The following ST18 variants were observed in gnomAD, a reference collection of about 807,000 sequenced individuals.
ST18 encodes suppression of tumorigenicity 18 protein.
In ST18, 50 loss-of-function variants were observed where a neutral mutation model predicts 110.0. The ratio of observed to expected loss-of-function variants is 0.45; its 90% CI spans 0.36 to 0.58. ST18 has a LOEUF of 0.58. Ranked by LOEUF, ST18 falls within the 20% of genes least tolerant of loss-of-function variation. The pLI is 0.00. For missense variants in ST18, 1,306 were observed against 1,280.1 expected, an observed-to-expected ratio of 1.02 and a Z score of -0.31; for synonymous variants, 461 against 452.4, an observed-to-expected ratio of 1.02 and a Z score of -0.24.
At chr8:52,252,503 T>C (rs936592674) in intron 2 of ST18, among the ~76,000 whole-genome samples, 5 of 133,446 alleles carry the variant, frequency 3.7e-5, no homozygotes, top group African/African-American at 1.4e-4. Flanking sequence ...TAATGGCCAC[T>C]CTAAAAAAAA....
intron 2 of ST18, among the ~76,000 whole-genome samples, chr8:52,341,439 C>A (rs1223773401): frequency 1.3e-5 from 2 of 152,172 alleles, no homozygotes; most frequent in African/African-American, 4.8e-5. Context: ...AGAGTAACAG[C>A]TTCCTAAAGA....
intron 2 of ST18, among the ~76,000 whole-genome samples, chr8:52,246,344 A>T (rs1159358366): frequency 6.6e-6 from 1 of 152,120 alleles, no homozygotes; most frequent in Non-Finnish European, 1.5e-5. Flanking sequence ...AAAAATTTTT[A>T]AAAAACAGAA....
intron 2 of ST18, chr8:52,407,106 G>A (rs551615815): frequency 1.6e-4 from 24 of 152,272 alleles, no homozygotes; most frequent in Admixed American, 1.4e-3. Context: ...ATGCATAGAC[G>A]ATGAAACTAG....
At chr8:52,208,521 T>G (rs939566557) in intron 8 of ST18, among the ~76,000 whole-genome samples, 3 of 152,262 alleles carry the variant, frequency 2.0e-5, no homozygotes, top group African/African-American at 7.2e-5. Context: ...TAGGTCAGCT[T>G]AAACTACTTA....
chr8:52,300,475 ACT>A (rs1490100950), intron 2 of ST18, among the ~76,000 whole-genome samples: 1 of 152,144 alleles, frequency 6.6e-6, no homozygotes, highest in Non-Finnish European at 1.5e-5. Context: ...TAAGCGGTTC[ACT>A]CTGTGTTTTC....
intron 8 of ST18, among the ~76,000 whole-genome samples, chr8:52,192,148 G>A (rs777994125): frequency 3.3e-5 from 5 of 152,170 alleles, no homozygotes; most frequent in Non-Finnish European, 7.3e-5. Context: ...CACTAAGACT[G>A]ATGTAGCTAT....
intron 2 of ST18, among the ~76,000 whole-genome samples, chr8:52,288,407 A>G (rs540969306): frequency 3.0e-4 from 45 of 152,328 alleles, no homozygotes; most frequent in African/African-American, 1.1e-3. Flanking sequence ...TTGCCTATTA[A>G]GAGTATTAAT....
chr8:52,363,794 A>ATG (rs759057997), intron 2 of ST18, among the ~76,000 whole-genome samples: 6 of 151,830 alleles, frequency 4.0e-5, no homozygotes, highest in Non-Finnish European at 7.4e-5. Context: ...GGTGGATATT[A>ATG]TGTGTGTGTG....
intron 19 of ST18, among the ~76,000 whole-genome samples, chr8:52,134,878 CTT>C (rs1438989410): frequency 6.6e-6 from 1 of 152,104 alleles, no homozygotes; most frequent in Non-Finnish European, 1.5e-5. Flanking sequence ...TAAAATGTCT[CTT>C]TGATTTTTCT....
At position 52,409,470 on chromosome 8, in the gene ST18, T is replaced by C. The variant is rs1845659436; in HGVS notation, c.-589-18A>G. 1 of 152,100 alleles carries C rather than the reference T, an allele frequency of 6.6e-6. No individual in the cohort carries two copies. Among genetic ancestry groups the C allele is most frequent in the Non-Finnish European group, 1.5e-5 (1 of 68,014 alleles). 9.4% of individuals were successfully genotyped at this position (152,100 alleles called of 1,614,324 possible). A position where few individuals can be genotyped will look rare whatever the true frequency, so the allele number is the denominator to read the frequency against. ...ATTATTTTCTAAAGAAGAAAAAAAA[T>C]ATGATGTGAAAATTATCATAAGAAA... is the stretch of plus-strand genomic sequence containing the variant. On this transcript the variant is annotated intron_variant, in intron 1 of 25. Transcript: ENST00000689386.
At chr8:52,362,683 C>A (rs559695877) in intron 2 of ST18, among the ~76,000 whole-genome samples, 1 of 152,136 alleles carries the variant, frequency 6.6e-6, no homozygotes, top group South Asian at 2.1e-4. Flanking sequence ...TGATGCATTG[C>A]TGAGGACACA....
At chr8:52,197,910 C>CACACAA (rs981496521) in intron 8 of ST18, among the ~76,000 whole-genome samples, 2 of 151,624 alleles carry the variant, frequency 1.3e-5, no homozygotes, top group Admixed American at 1.3e-4. Context: ...CACACACACA[C>CACACAA]ACAAATACAG....
chr8:52,347,112 T>C (rs1395634538), intron 2 of ST18, among the ~76,000 whole-genome samples: 1 of 152,236 alleles, frequency 6.6e-6, no homozygotes, highest in Admixed American at 6.5e-5. Context: ...TATGTAGTCC[T>C]GGCACAATGC....
At position 52,364,459 on chromosome 8, in the gene ST18, C is replaced by T. The variant is rs538942535; in HGVS notation, c.-465+44869G>A. Among the ~76,000 whole-genome samples the T allele has an allele frequency of 4.3e-4, 66 of 152,170 alleles. 1 individual carries two copies. The South Asian group carries it at 0.012, about 28-fold the overall frequency. ...TTGTTTGCATTCAGATGGGTATACG[C>T]GGTCAGCACACTTGCAGGATAAAAA... On this transcript the variant is annotated intron_variant, in intron 2 of 25. Coordinates refer to ENST00000689386, the MANE Select transcript of ST18 (RefSeq NM_001352837.2).
chr8:52,142,677 T>C (rs1309799629), intron 17 of ST18, among the ~76,000 whole-genome samples: 1 of 152,194 alleles, frequency 6.6e-6, no homozygotes, highest in Non-Finnish European at 1.5e-5. Flanking sequence ...TGGAGGTAAA[T>C]GGTTATCAGT....
intron 2 of ST18, among the ~76,000 whole-genome samples, chr8:52,364,612 C>G (rs1564584849): frequency 6.6e-6 from 1 of 152,166 alleles, no homozygotes; most frequent in Non-Finnish European, 1.5e-5. Flanking sequence ...TCTACTGACA[C>G]CAACATGTAT....
At chr8:52,407,423 C>T (rs1844893689) in intron 2 of ST18, 1 of 151,226 alleles carries the variant, frequency 6.6e-6, no homozygotes, top group Admixed American at 6.6e-5. Flanking sequence ...GGGAATCTTC[C>T]ACGAATCTGA....
chr8:52,172,452 C>T lies in ST18; in HGVS notation c.409G>A (p.Glu137Lys). ...VKSLMHLGKF[E>K]KNVSVQTVSE... ...ACAGTCTGAACAGATACATTTTTTT[C>T]AAATTTCCCCAAGTGCATTAAAGAC... Residue 137 changes from glutamate to lysine, a missense_variant, in exon 10 of 26, where the codon GAA (glutamate) becomes AAA (lysine). Transcript: ENST00000689386. 6.2e-7 allele frequency: 1 copy of T among 1,613,430 alleles called. No individual in the cohort carries two copies. Among genetic ancestry groups the T allele is most frequent in the South Asian group, 1.1e-5 (1 of 91,020 alleles).
At chr8:52,126,511 G>T (rs2047133030) in intron 22 of ST18, among the ~76,000 whole-genome samples, 1 of 152,172 alleles carries the variant, frequency 6.6e-6, no homozygotes, top group African/African-American at 2.4e-5. Context: ...AATAAGAATT[G>T]TTCCCAATTA....
Sources: gnomAD v4.1 joint callset for allele counts (sites outside exome capture counted in the v4.1 genomes callset) on GRCh38, gnomAD v4.1.1 for gene constraint, MANE v1.5 for transcripts, NCBI Gene and HGNC (gene_info 2026-07-23, HGNC 2026-07-21) for gene names.